GLRA2: variants seen among roughly 807,000 people sequenced by gnomAD.
The protein encoded by GLRA2 is glycine receptor alpha 2, also known as glycine receptor subunit alpha-2.
In GLRA2, 11 loss-of-function variants were observed where a neutral mutation model predicts 31.6. That is an observed-to-expected ratio of 0.35 (90% CI 0.22 to 0.58). GLRA2 has a LOEUF of 0.58. Among genes scored for constraint, GLRA2 ranks in the 20% least tolerant of loss-of-function variants. The pLI, the probability that GLRA2 is intolerant of heterozygous loss-of-function variation, is 0.84. For synonymous variants in GLRA2, 132 were observed against 134.0 expected (o/e 0.99, Z 0.10); for missense variants, 212 against 351.8 (o/e 0.60, Z 3.18).
At chrX:14,691,344 C>T (rs2091358143) in intron 8 of GLRA2, among the ~76,000 whole-genome samples, 1 of 99,492 alleles carries the variant, frequency 1.0e-5, no homozygotes, top group African/African-American at 3.7e-5. Context: ...CGTGCGTGTA[C>T]ATCACTGATC....
At chrX:14,568,553 C>T (rs1387585381) in intron 2 of GLRA2, among the ~76,000 whole-genome samples, 1 of 109,895 alleles carries the variant, frequency 9.1e-6, no homozygotes, top group Non-Finnish European at 1.9e-5. Context: ...ATTAGCCGGG[C>T]GTGGTGGCAC....
chrX:14,518,600 CTCAT>C, the GLRA2 span, among the ~76,000 whole-genome samples: 5 of 111,278 alleles, frequency 4.5e-5, no homozygotes, highest in East Asian at 5.6e-4. Context: ...AGAATACATT[CTCAT>C]TCAATTTATG....
chrX:14,588,906 C>T (rs1486279631), intron 4 of GLRA2, among the ~76,000 whole-genome samples: 1 of 111,822 alleles, frequency 8.9e-6, no homozygotes, highest in Non-Finnish European at 1.9e-5. Context: ...AGAAATGCTA[C>T]TGATTTTTGT....
At chrX:14,603,439 G>T (rs1490023605) in intron 4 of GLRA2, among the ~76,000 whole-genome samples, 1 of 111,384 alleles carries the variant, frequency 9.0e-6, no homozygotes, top group Non-Finnish European at 1.9e-5. Context: ...TAAAGTAGGG[G>T]AAGGACACCC....
At chrX:14,623,799 TC>T (rs1229018056) in intron 7 of GLRA2, among the ~76,000 whole-genome samples, 1 of 111,471 alleles carries the variant, frequency 9.0e-6, no homozygotes, top group East Asian at 2.8e-4. Flanking sequence ...GGGATATTGG[TC>T]TAAAATTTTC....
chrX:14,556,438 A>G (rs997098150), intron 2 of GLRA2, among the ~76,000 whole-genome samples: 24 of 112,068 alleles, frequency 2.1e-4, no homozygotes, highest in African/African-American at 7.8e-4. Flanking sequence ...TCTAAGGCTA[A>G]ATGGCTCTTT....
chrX:14,489,559 C>T, the GLRA2 span, among the ~76,000 whole-genome samples: 1 of 112,217 alleles, frequency 8.9e-6, no homozygotes, highest in African/African-American at 3.2e-5. Context: ...CAGACTGAAT[C>T]CCAGGTACAA....
the GLRA2 span, among the ~76,000 whole-genome samples, chrX:14,511,073 C>T: frequency 9.0e-6 from 1 of 111,483 alleles, no homozygotes; most frequent in African/African-American, 3.3e-5. Flanking sequence ...TGCTATCCCT[C>T]CCCAGAGTGT....
chrX:14,509,397 T>C, the GLRA2 span, among the ~76,000 whole-genome samples: 1 of 112,841 alleles, frequency 8.9e-6, no homozygotes, highest in Non-Finnish European at 1.9e-5. Flanking sequence ...GATAACATTT[T>C]CCAAGAAAAC....
intron 8 of GLRA2, among the ~76,000 whole-genome samples, chrX:14,709,803 G>A (rs1459434819): frequency 8.9e-6 from 1 of 111,872 alleles, no homozygotes; most frequent in East Asian, 2.8e-4. Flanking sequence ...AGAAGCAATA[G>A]GAAAGTGCCT....
intron 5 of GLRA2, among the ~76,000 whole-genome samples, chrX:14,606,006 G>A (rs1051202784): frequency 3.2e-5 from 3 of 95,008 alleles, no homozygotes; most frequent in African/African-American, 1.2e-4. Context: ...TGCTTTCCAT[G>A]TTCTTATTAT....
Position 14,714,859 on chromosome X carries a change from C to T in GLRA2, c.1081-15348C>T, listed in dbSNP as rs1213467016. ...CTTAAAAACGGATGTTTGGTAATTA[C>T]TATAGATTTACAGGGATTTTGCTTT... On this transcript the variant is annotated intron_variant, in intron 8 of 8. Transcript: ENST00000218075. Among the ~76,000 whole-genome samples the T allele has an allele frequency of 7.1e-5, 8 of 111,929 alleles. No individual in the cohort carries two copies. In the Admixed American group the frequency reaches 7.6e-4, roughly 11 times the overall value.
intron 7 of GLRA2, among the ~76,000 whole-genome samples, chrX:14,650,494 C>T (rs1044124827): frequency 4.5e-5 from 5 of 110,763 alleles, no homozygotes; most frequent in Admixed American, 1.9e-4. Context: ...CTTTCACTTT[C>T]GGGAAGTCTC....
rs186295595 is a variant in GLRA2 at position 14,635,610 on chromosome X, G to A, written c.930+26405G>A. On this transcript the variant is annotated intron_variant, in intron 7 of 8. Coordinates refer to ENST00000218075, the MANE Select transcript of GLRA2 (RefSeq NM_002063.4). ...AATAAGCAAATAAGAGAAACATGAA[G>A]GCCAAAAACTGTGTTACTATTCAGG... Among the ~76,000 whole-genome samples, 78 of 111,659 alleles carry A rather than the reference G, an allele frequency of 7.0e-4. 2 individuals carry two copies. The highest frequency in any genetic ancestry group is 1.9e-3 in the Admixed American group (20 of 10,470).
At chrX:14,448,994 C>T in the GLRA2 span, among the ~76,000 whole-genome samples, 11 of 111,678 alleles carry the variant, frequency 9.8e-5, no homozygotes, top group Non-Finnish European at 1.5e-4. Flanking sequence ...CTGCCTACCC[C>T]GCCACCCCAC....
At chrX:14,540,764 G>C (rs1275847399) in intron 2 of GLRA2, among the ~76,000 whole-genome samples, 2 of 110,864 alleles carry the variant, frequency 1.8e-5, no homozygotes, top group African/African-American at 6.6e-5. Context: ...GAAATATAGT[G>C]TAATGTGATT....
At chrX:14,729,262 T>A (rs2091963292) in intron 8 of GLRA2, among the ~76,000 whole-genome samples, 2 of 111,711 alleles carry the variant, frequency 1.8e-5, no homozygotes, top group Admixed American at 9.5e-5. Flanking sequence ...TTGCATGTTA[T>A]TGTGGAAGGC....
At chrX:14,724,321 A>G (rs893248689) in intron 8 of GLRA2, among the ~76,000 whole-genome samples, 2 of 110,974 alleles carry the variant, frequency 1.8e-5, no homozygotes, top group Non-Finnish European at 3.8e-5. Flanking sequence ...CTCAATAAAT[A>G]TTTGTTAAAA....
At chrX:14,527,161 G>C (rs974045640), upstream of GLRA2, among the ~76,000 whole-genome samples, 2 of 111,583 alleles carry the variant, frequency 1.8e-5, no homozygotes, top group African/African-American at 6.5e-5. Context: ...AAATTTAGGA[G>C]AGCTGAGAAA....
Sources: gnomAD v4.1 joint callset for allele counts (sites outside exome capture counted in the v4.1 genomes callset) on GRCh38, gnomAD v4.1.1 for gene constraint, MANE v1.5 for transcripts, NCBI Gene and HGNC (gene_info 2026-07-23, HGNC 2026-07-21) for gene names.